The following NRXN3 variants were observed in gnomAD, a reference collection of about 807,000 sequenced individuals.
NRXN3 encodes the protein neurexin 3.
Under a neutral mutation model 137.6 loss-of-function variants are expected in NRXN3, and 32 were observed. The ratio of observed to expected loss-of-function variants is 0.23; its 90% CI spans 0.18 to 0.31. NRXN3 has a LOEUF of 0.31. Ranked by LOEUF, NRXN3 falls within the 10% of genes least tolerant of loss-of-function variation. The pLI is 1.00. For missense variants in NRXN3, 1,574 were observed against 2,062.5 expected (o/e 0.76, Z 4.59); for synonymous variants, 798 against 784.5 (o/e 1.02, Z -0.29).
chr14:79,537,942 C>T (rs1350737924), intron 16 of NRXN3, among the ~76,000 whole-genome samples: 1 of 152,202 alleles, frequency 6.6e-6, no homozygotes, highest in East Asian at 1.9e-4. Flanking sequence ...TCCACATCCT[C>T]TCCAGCACCT....
At chr14:78,661,596 A>T (rs6574461) in intron 6 of NRXN3, among the ~76,000 whole-genome samples, 14,556 of 152,264 alleles carry the variant, frequency 0.096, 914 homozygotes, top group Middle Eastern at 0.17. Context: ...CATCTGTGTT[A>T]TCTGAGGTTG....
intron 16 of NRXN3, among the ~76,000 whole-genome samples, chr14:79,517,787 G>T (rs2097008873): frequency 6.6e-6 from 1 of 150,586 alleles, no homozygotes; most frequent in Non-Finnish European, 1.5e-5. Context: ...CTGCTGTATT[G>T]GTCTGTCAGT....
intron 15 of NRXN3, among the ~76,000 whole-genome samples, chr14:79,187,538 C>T (rs1349452567): frequency 6.6e-6 from 1 of 152,072 alleles, no homozygotes; most frequent in African/African-American, 2.4e-5. Flanking sequence ...AATGATTTAC[C>T]CTTCTAAAAG....
chr14:78,872,367 G>A (rs1184913610), intron 10 of NRXN3, among the ~76,000 whole-genome samples: 1 of 149,998 alleles, frequency 6.7e-6, no homozygotes, highest in Non-Finnish European at 1.5e-5. Context: ...CATTCAGATT[G>A]CAGTTTTTAA....
intron 16 of NRXN3, among the ~76,000 whole-genome samples, chr14:79,599,487 C>T (rs1181937282): frequency 6.6e-6 from 1 of 151,576 alleles, no homozygotes; most frequent in Non-Finnish European, 1.5e-5. Context: ...TGTTACACCC[C>T]AACCTAAAAC....
At chr14:79,119,069 A>G (rs550133093) in intron 15 of NRXN3, among the ~76,000 whole-genome samples, 16 of 152,310 alleles carry the variant, frequency 1.1e-4, no homozygotes, top group Non-Finnish European at 2.1e-4. Context: ...TGTTTTTAAA[A>G]CTTTATAAAA....
intron 15 of NRXN3, among the ~76,000 whole-genome samples, chr14:79,152,220 A>AT (rs1290525751): frequency 6.6e-6 from 1 of 152,070 alleles, no homozygotes; most frequent in Non-Finnish European, 1.5e-5. Context: ...ATGCTTTTGC[A>AT]TTTTATCTGC....
At chr14:79,411,835 T>G (rs936939531) in intron 15 of NRXN3, among the ~76,000 whole-genome samples, 2 of 152,188 alleles carry the variant, frequency 1.3e-5, no homozygotes, top group South Asian at 4.1e-4. Flanking sequence ...GTGACTAAGA[T>G]ACAGTCCCAG....
chr14:78,371,834 A>C (rs574342076), intron 4 of NRXN3, among the ~76,000 whole-genome samples: 1 of 152,382 alleles, frequency 6.6e-6, no homozygotes, highest in African/African-American at 2.4e-5. Flanking sequence ...TATAGTGATA[A>C]GTATGCAGTA....
intron 1 of NRXN3, among the ~76,000 whole-genome samples, chr14:78,209,355 A>G (rs1307954934): frequency 6.6e-6 from 1 of 152,212 alleles, no homozygotes; most frequent in Non-Finnish European, 1.5e-5. Context: ...GAGGCTGGAC[A>G]GGTCTGCTCT....
At chr14:79,740,712 T>TTA (rs869216055) in intron 19 of NRXN3, among the ~76,000 whole-genome samples, 182 of 15,996 alleles carry the variant, frequency 0.011, 2 homozygotes, top group Non-Finnish European at 0.014. Flanking sequence ...ATTTAGTTTT[T>TTA]TATATATATA....
chr14:79,123,805 GCA>G (rs2055908198), intron 15 of NRXN3, among the ~76,000 whole-genome samples: 2 of 152,156 alleles, frequency 1.3e-5, no homozygotes, highest in African/African-American at 4.8e-5. Context: ...AATAAGCAGA[GCA>G]GGCCAGGTAA....
chr14:78,452,904 A>G (rs1041937917), intron 4 of NRXN3, among the ~76,000 whole-genome samples: 1 of 152,228 alleles, frequency 6.6e-6, no homozygotes, highest in African/African-American at 2.4e-5. Flanking sequence ...TTCATTAGAA[A>G]AAAAATAAGT....
At chr14:79,699,318 C>A (rs991636196) in intron 19 of NRXN3, among the ~76,000 whole-genome samples, 1 of 151,992 alleles carries the variant, frequency 6.6e-6, no homozygotes, top group Non-Finnish European at 1.5e-5. Flanking sequence ...AAGAGCAGAT[C>A]TGTTTATTGT....
intron 19 of NRXN3, among the ~76,000 whole-genome samples, chr14:79,779,771 A>G (rs543665187): frequency 6.6e-6 from 1 of 152,324 alleles, no homozygotes; most frequent in Non-Finnish European, 1.5e-5. Context: ...CTGTTGGTCA[A>G]GAGTAGACCA....
intron 4 of NRXN3, among the ~76,000 whole-genome samples, chr14:78,359,659 A>G (rs2084831176): frequency 6.6e-6 from 1 of 152,138 alleles, no homozygotes; most frequent in Non-Finnish European, 1.5e-5. Context: ...GGTGTGGACG[A>G]TGCCTTGATA....
intron 10 of NRXN3, among the ~76,000 whole-genome samples, chr14:78,850,737 C>T (rs1051432641): frequency 3.9e-5 from 6 of 152,054 alleles, no homozygotes; most frequent in East Asian, 1.9e-4. Flanking sequence ...ATACCACCAC[C>T]GCTGGGTAGA....
chr14:78,939,135 G>A (rs909252790), intron 10 of NRXN3, among the ~76,000 whole-genome samples: 2 of 151,860 alleles, frequency 1.3e-5, no homozygotes, highest in South Asian at 2.1e-4. Flanking sequence ...GTGAGCCACC[G>A]CGCCCGGCCC....
intron 15 of NRXN3, among the ~76,000 whole-genome samples, chr14:79,395,682 G>C (rs868391322): frequency 2.0e-5 from 3 of 151,964 alleles, no homozygotes; most frequent in African/African-American, 4.8e-5. Context: ...GGTGGTGGGC[G>C]CCTGTAGTCC....
Sources: gnomAD v4.1 joint callset for allele counts (sites outside exome capture counted in the v4.1 genomes callset) on GRCh38, gnomAD v4.1.1 for gene constraint, MANE v1.5 for transcripts, NCBI Gene and HGNC (gene_info 2026-07-23, HGNC 2026-07-21) for gene names.